Variants in PALLD observed in about 807,000 individuals in gnomAD.
The protein encoded by PALLD is palladin, cytoskeletal associated protein.
PALLD carries 61 observed loss-of-function variants against 123.5 expected under a neutral mutation model. The ratio of observed to expected loss-of-function variants is 0.49; its 90% CI spans 0.40 to 0.61. The LOEUF is 0.61. PALLD is among the 20% of genes least tolerant of loss of function. The pLI is 0.00. For missense variants in PALLD, 1,273 were observed against 1,377.0 expected (o/e 0.92, Z 1.20); for synonymous variants, 465 against 496.4 (o/e 0.94, Z 0.84).
intron 3 of PALLD, among the ~76,000 whole-genome samples, chr4:168,677,546 G>A (rs1780983910): frequency 6.6e-6 from 1 of 152,124 alleles, no homozygotes; most frequent in Admixed American, 6.5e-5. Context: ...TGAATCAGGT[G>A]AAAAGTAACT....
intron 10 of PALLD, among the ~76,000 whole-genome samples, chr4:168,759,696 A>G (rs569441583): frequency 6.6e-6 from 1 of 152,260 alleles, no homozygotes; most frequent in Admixed American, 6.5e-5. Context: ...AAAGTGACTG[A>G]AATTCTAATC....
chr4:168,643,643 T>C (rs1290922036), intron 2 of PALLD, among the ~76,000 whole-genome samples: 4 of 152,184 alleles, frequency 2.6e-5, no homozygotes, highest in African/African-American at 7.2e-5. Flanking sequence ...TAAGAGTGTC[T>C]GAAGCATTTG....
intron 2 of PALLD, among the ~76,000 whole-genome samples, chr4:168,530,349 T>C (rs1764487258): frequency 1.3e-5 from 2 of 152,190 alleles, no homozygotes; most frequent in African/African-American, 4.8e-5. Context: ...GTGTTGGACA[T>C]TTATAGAACA....
chr4:168,504,163 G>A (rs755706027), intron 1 of PALLD, among the ~76,000 whole-genome samples: 1 of 152,130 alleles, frequency 6.6e-6, no homozygotes, highest in Non-Finnish European at 1.5e-5. Flanking sequence ...TTGTTCCGTT[G>A]ATTTCATGTT....
chr4:168,875,891 C>A (rs769073125), intron 10 of PALLD, among the ~76,000 whole-genome samples: 2 of 152,230 alleles, frequency 1.3e-5, no homozygotes, highest in Non-Finnish European at 2.9e-5. Context: ...GGAATCCTCA[C>A]ATCAGGTACA....
At chr4:168,629,656 A>G (rs1323318640) in intron 2 of PALLD, among the ~76,000 whole-genome samples, 1 of 151,788 alleles carries the variant, frequency 6.6e-6, no homozygotes, top group Non-Finnish European at 1.5e-5. Flanking sequence ...GGTGGGGTAG[A>G]TCACCCTCAA....
At chr4:168,767,120 G>A (rs1337402426) in intron 10 of PALLD, among the ~76,000 whole-genome samples, 1 of 152,140 alleles carries the variant, frequency 6.6e-6, no homozygotes, top group Non-Finnish European at 1.5e-5. Flanking sequence ...GGCCAAATAA[G>A]AGCCCAGGAA....
At chr4:168,894,244 T>C (rs1754641367) in intron 11 of PALLD, 2 of 327,536 alleles carry the variant, frequency 6.1e-6, no homozygotes. Context: ...TTCTTTTAAA[T>C]TGTATTTTGC....
chr4:168,923,587 T>TC (rs1319039504), intron 18 of PALLD, among the ~76,000 whole-genome samples: 2 of 17,430 alleles, frequency 1.1e-4, no homozygotes, highest in Admixed American at 8.1e-4. Context: ...TAAAGTTGTC[T>TC]TTTTTTTTTA....
chr4:168,646,292 C>T (rs1366202811), intron 2 of PALLD, among the ~76,000 whole-genome samples: 1 of 152,166 alleles, frequency 6.6e-6, no homozygotes, highest in East Asian at 1.9e-4. Flanking sequence ...TGAGAACCTA[C>T]CAAGTAGAAT....
chr4:168,701,350 A>G (rs1281195472), intron 8 of PALLD, among the ~76,000 whole-genome samples: 1 of 152,262 alleles, frequency 6.6e-6, no homozygotes, highest in Non-Finnish European at 1.5e-5. Flanking sequence ...CTAATTATGC[A>G]GGGCTTCAGA....
chr4:168,567,584 T>TTATACATTATATATAATATATATAA (rs1768534296), intron 2 of PALLD, among the ~76,000 whole-genome samples: 2 of 147,726 alleles, frequency 1.4e-5, no homozygotes, highest in South Asian at 4.2e-4. Context: ...GATATATATA[T>TTATACATTATATATAATATATATAA]TATACATTAT....
intron 2 of PALLD, among the ~76,000 whole-genome samples, chr4:168,549,106 T>A (rs76795849): frequency 0.046 from 7,034 of 152,238 alleles, 191 homozygotes; most frequent in South Asian, 0.15. Context: ...AAAAACACCA[T>A]CTGATGATTT....
intron 10 of PALLD, among the ~76,000 whole-genome samples, chr4:168,725,522 C>CTTTTTTTTTTTTTTTT: frequency 1.1e-5 from 1 of 91,654 alleles, no homozygotes; most frequent in Non-Finnish European, 2.1e-5. Flanking sequence ...TCTTTAATTT[C>CTTTTTTTTTTTTTTTT]TTTTTTTTTT....
chr4:168,584,818 C>A (rs1470281356), intron 2 of PALLD, among the ~76,000 whole-genome samples: 2 of 152,142 alleles, frequency 1.3e-5, no homozygotes, highest in Non-Finnish European at 1.5e-5. Context: ...GATGGAAAGT[C>A]ATTATATAAT....
chr4:168,926,732 G>C lies in PALLD; in HGVS notation c.*552G>C. 3.4e-6 allele frequency: 1 copy of C among 298,428 alleles called. No homozygotes were observed. Among genetic ancestry groups the C allele is most frequent in the Non-Finnish European group, 6.3e-6 (1 of 157,956 alleles). The allele number at this position is 298,428 out of a possible 1,614,324, so 18.5% of individuals were successfully genotyped here. On this transcript the variant is annotated 3_prime_UTR_variant, in exon 22 of 22. Coordinates refer to ENST00000505667, the MANE Select transcript of PALLD (RefSeq NM_001166108.2). ...AAGTGCCTTTAAACACAAGATATAG[G>C]TGCTGTGTAGCCTGATAGTGTGAAA...
At chr4:168,814,471 C>A (rs1035264742) in intron 10 of PALLD, among the ~76,000 whole-genome samples, 4 of 152,150 alleles carry the variant, frequency 2.6e-5, no homozygotes, top group African/African-American at 9.7e-5. Context: ...TAGGATGAAA[C>A]CGAACCATGT....
At chr4:168,743,528 A>G (rs7656460) in intron 10 of PALLD, among the ~76,000 whole-genome samples, 14,157 of 152,080 alleles carry the variant, frequency 0.093, 651 homozygotes, top group South Asian at 0.13. Context: ...CAAAATTCCA[A>G]CTTATAATGT....
chr4:168,614,861 A>G (rs1317842321), intron 2 of PALLD, among the ~76,000 whole-genome samples: 2 of 152,226 alleles, frequency 1.3e-5, no homozygotes, highest in African/African-American at 4.8e-5. Context: ...GTGGGATGGT[A>G]ACATTTCAGT....
Sources: gnomAD v4.1 joint callset for allele counts (sites outside exome capture counted in the v4.1 genomes callset) on GRCh38, gnomAD v4.1.1 for gene constraint, MANE v1.5 for transcripts, NCBI Gene and HGNC (gene_info 2026-07-23, HGNC 2026-07-21) for gene names.